HMCN2: variants seen among roughly 807,000 people sequenced by gnomAD.
HMCN2 encodes hemicentin 2.
A neutral mutation model predicts 377.5 loss-of-function variants in HMCN2; 325 were observed. The observed-to-expected ratio is 0.86, with a 90% CI of 0.79 to 0.94. The LOEUF (loss-of-function observed/expected upper bound fraction) is 0.94. Among genes scored for constraint, HMCN2 ranks in the 40% least tolerant of loss-of-function variants. HMCN2 has a pLI of 0.00. For synonymous variants in HMCN2, 2,007 were observed against 2,046.8 expected, an observed-to-expected ratio of 0.98 and a Z score of 0.53; for missense variants, 4,543 against 4,725.3, an observed-to-expected ratio of 0.96 and a Z score of 1.13.
chr9:130,416,168 G>A (rs375996325), intron 85 of HMCN2, among the ~76,000 whole-genome samples: 133 of 148,658 alleles, frequency 8.9e-4, no homozygotes, highest in East Asian at 8.9e-3. Context: ...GCAGTGGCGC[G>A]ATCTCGGCTC....
chr9:130,427,129 C>T (rs377736115), intron 90 of HMCN2, among the ~76,000 whole-genome samples, 184 bp from the exon 91 acceptor site: 7 of 152,192 alleles, frequency 4.6e-5, no homozygotes, highest in Admixed American at 1.3e-4. Flanking sequence ...CTTGACTGGG[C>T]GTGCCCTGCA....
chr9:130,309,160 C>A (rs181877109), intron 14 of HMCN2, among the ~76,000 whole-genome samples: 13 of 152,144 alleles, frequency 8.5e-5, no homozygotes, highest in Non-Finnish European at 1.2e-4. Flanking sequence ...TTTAAAAGGG[C>A]GGTTAGAATC....
At chr9:130,368,055 T>G in intron 43 of HMCN2, among the ~76,000 whole-genome samples, 1 of 148,876 alleles carries the variant, frequency 6.7e-6, no homozygotes, top group East Asian at 2.0e-4. Flanking sequence ...GGCAGATCTG[T>G]GATGCAGAGA....
At chr9:130,377,289 A>G (rs1208697894) in intron 52 of HMCN2, among the ~76,000 whole-genome samples, 1 of 151,492 alleles carries the variant, frequency 6.6e-6, no homozygotes, top group Non-Finnish European at 1.5e-5. Flanking sequence ...AATTTTTTGT[A>G]TTTTTAGTAG....
At chr9:130,412,842 GC>G (rs2131760349) in intron 85 of HMCN2, among the ~76,000 whole-genome samples, 1 of 152,268 alleles carries the variant, frequency 6.6e-6, no homozygotes, top group East Asian at 1.9e-4. Context: ...CTCCTAAAGT[GC>G]GGATTACAGG....
In HMCN2 at chr9:130,347,599, G is replaced by C. The variant is rs1315099934; in HGVS notation, c.4024+239G>C. 6.6e-6 allele frequency among the ~76,000 whole-genome samples: 1 copy of C among 152,172 alleles called. No individual in the cohort carries two copies. The highest frequency in any genetic ancestry group is 1.5e-5 in the Non-Finnish European group (1 of 68,008). ...GACAGGGAGGGCTTGAGGGGGCTGG[G>C]AGAGTGGCAGGTTGCACTGTACACC... On this transcript the variant is annotated intron_variant, in intron 26 of 97. Coordinates refer to ENST00000683500, the MANE Select transcript of HMCN2 (RefSeq NM_001291815.2). This position sits in a 1 kb window ranked among gnomAD's most constrained non-coding sequence, Gnocchi z 5.1.
chr9:130,309,882 C>A, intron 14 of HMCN2, 30 bp from the exon 15 acceptor site: 1 of 449,266 alleles, frequency 2.2e-6, no homozygotes, highest in South Asian at 1.7e-5. Flanking sequence ...CCAGGGACAC[C>A]GGCCTGATGC....
intron 24 of HMCN2, among the ~76,000 whole-genome samples, chr9:130,342,108 T>C (rs930414059): frequency 6.6e-6 from 1 of 152,168 alleles, no homozygotes; most frequent in Non-Finnish European, 1.5e-5. Context: ...TGGCCCCTTG[T>C]GTCTGAGGGT....
intron 6 of HMCN2, among the ~76,000 whole-genome samples, chr9:130,296,095 C>T (rs896718250): frequency 6.6e-6 from 1 of 152,126 alleles, no homozygotes; most frequent in Non-Finnish European, 1.5e-5. Context: ...GGTGGGAGGG[C>T]TCAGTGGGGC....
At chr9:130,409,522 A>T (rs1843300225) in intron 84 of HMCN2, among the ~76,000 whole-genome samples, 2 of 152,318 alleles carry the variant, frequency 1.3e-5, no homozygotes, top group African/African-American at 4.8e-5. Flanking sequence ...GATCTCACCC[A>T]TTTGGGAGCC....
At chr9:130,267,982 C>G (rs1473384742) in intron 1 of HMCN2, among the ~76,000 whole-genome samples, 2 of 152,220 alleles carry the variant, frequency 1.3e-5, no homozygotes, top group Admixed American at 1.3e-4. Context: ...GAATCTACCC[C>G]TTTATCTTAC....
chr9:130,427,389 A>G lies in HMCN2; in HGVS notation c.13942+14A>G. The G allele has an allele frequency of 1.9e-6, 3 of 1,550,436 alleles. No individual in the cohort carries two copies. The highest frequency in any genetic ancestry group is 1.4e-5 in the African/African-American group (1 of 73,134). On this transcript the variant is annotated intron_variant, in intron 91 of 97. Coordinates refer to ENST00000683500, the MANE Select transcript of HMCN2 (RefSeq NM_001291815.2). ...CGTTTTGTGTGGGTGAGCGCCCCCAACCCTGGCATGGATGTGGGAGGCCTC... is the reference window on the plus strand; with the variant it reads ...CGTTTTGTGTGGGTGAGCGCCCCCAGCCCTGGCATGGATGTGGGAGGCCTC...
Position 130,427,345 on chromosome 9 carries a change from G to A in HMCN2, c.13912G>A (p.Glu4638Lys), listed in dbSNP as rs567295454. The A allele has an allele frequency of 2.6e-6, 4 of 1,550,586 alleles. No homozygotes were observed. Among genetic ancestry groups the A allele is most frequent in the South Asian group, 1.2e-5 (1 of 84,064 alleles). Residue 4638 changes from glutamate to lysine, a missense_variant, in exon 91 of 98, where the codon GAG becomes AAG. By Grantham distance (56) the Glu-to-Lys change is moderately conservative. This residue lies in a region of HMCN2 where 1,155 missense variants were observed against 1,157.7 expected (regional missense o/e 1.00). Coordinates refer to ENST00000683500, the MANE Select transcript of HMCN2 (RefSeq NM_001291815.2). The stretch of plus-strand genomic sequence containing the variant: ...CGAGGTCGGCTGCCCCGAGGGCTTT[G>A]AGCTGGACTCCCAGGGAGCGTTTTG... ...ENEVGCPEGFELDSQGAFCVD... is the reference protein window; with the variant it reads ...ENEVGCPEGFKLDSQGAFCVD...
chr9:130,363,930 GAA>G (rs1491546495), intron 40 of HMCN2, among the ~76,000 whole-genome samples: 3 of 144,086 alleles, frequency 2.1e-5, no homozygotes, highest in Non-Finnish European at 3.0e-5. Flanking sequence ...AGGAAAAAGA[GAA>G]GGAAGGAAGG....
intron 8 of HMCN2, among the ~76,000 whole-genome samples, chr9:130,299,615 CCACCCATCCACT>C (rs1411465573): frequency 6.6e-6 from 1 of 150,540 alleles, no homozygotes; most frequent in African/African-American, 2.4e-5. Flanking sequence ...ACTCATGCAC[CCACCCATCCACT>C]CACCCATCCA....
intron 1 of HMCN2, among the ~76,000 whole-genome samples, chr9:130,284,370 T>C (rs1418151606): frequency 2.0e-5 from 3 of 152,286 alleles, no homozygotes; most frequent in African/African-American, 7.2e-5. Context: ...GCCTCACCTC[T>C]GCTTCCCTGG....
In HMCN2 at chr9:130,356,206, G is replaced by C. The variant is rs772179014; in HGVS notation, c.5374G>C (p.Ala1792Pro). 1.5e-6 allele frequency: 2 copies of C among 1,303,138 alleles called. No individual in the cohort carries two copies. The highest frequency in any genetic ancestry group is 2.0e-6 in the Non-Finnish European group (2 of 988,896). 80.7% of individuals were successfully genotyped at this position (1,303,138 alleles called of 1,614,324 possible). Residue 1792 changes from alanine to proline, a missense_variant, in exon 34 of 98, where the codon GCC (alanine) becomes CCC (proline). Physicochemically the swap from Ala to Pro is conservative, Grantham distance 27. This residue lies in a region of HMCN2 where 1,032 missense variants were observed against 1,285.1 expected (regional missense o/e 0.80). Transcript: ENST00000683500. ...CCACTCAGGCCTCTTCGCCTGCCAG[G>C]CCACCAATGAGGCGGGCACTGCCGG... The part of the protein sequence containing the change: ...LDHSGLFACQ[A>P]TNEAGTAGAE...
rs1463987063 is a variant in HMCN2, at chr9:130,306,801, A to G, written c.1959-10A>G. ...TTGTGACCCGATGTGTTTCTATGGC[A>G]TGATTCTAGAATCCATGTGGACGCA... On this transcript the variant is annotated splice_polypyrimidine_tract_variant and intron_variant, in intron 12 of 97. Coordinates refer to ENST00000683500, the MANE Select transcript of HMCN2 (RefSeq NM_001291815.2). 1 of 459,306 alleles carries G rather than the reference A, an allele frequency of 2.2e-6. No individual in the cohort carries two copies. Among genetic ancestry groups the G allele is most frequent in the East Asian group, 7.1e-5 (1 of 14,138 alleles). 28.5% of individuals were successfully genotyped at this position (459,306 alleles called of 1,614,324 possible).
At chr9:130,307,134 T>C (rs1329465434) in intron 13 of HMCN2, among the ~76,000 whole-genome samples, 196 bp downstream of exon 13, 2 of 152,156 alleles carry the variant, frequency 1.3e-5, no homozygotes, top group African/African-American at 4.8e-5. Context: ...TGCTTCCCAA[T>C]GCTGAAGGTG....
Sources: allele counts gnomAD v4.1 joint callset (sites outside exome capture counted in the v4.1 genomes callset), GRCh38; gene constraint gnomAD v4.1.1; regional missense constraint gnomAD v4.1.1; non-coding constraint Gnocchi (gnomAD v3.1); transcripts MANE v1.5; gene names NCBI Gene and HGNC (gene_info 2026-07-23, HGNC 2026-07-21).